Variants in PDSS2 observed in about 807,000 individuals in gnomAD.
PDSS2 encodes the protein decaprenyl diphosphate synthase subunit 2, also known as all trans-polyprenyl-diphosphate synthase PDSS2.
In PDSS2, 31 loss-of-function variants were observed where a neutral mutation model predicts 44.5. The ratio of observed to expected loss-of-function variants is 0.70; its 90% CI spans 0.52 to 0.94. The LOEUF is 0.94. Ranked by LOEUF, PDSS2 falls within the 40% of genes least tolerant of loss-of-function variation. PDSS2 has a pLI of 0.00. For missense variants in PDSS2, 452 were observed against 482.2 expected, an observed-to-expected ratio of 0.94 and a Z score of 0.59; for synonymous variants, 157 against 180.3, an observed-to-expected ratio of 0.87 and a Z score of 1.03.
intron 1 of PDSS2, among the ~76,000 whole-genome samples, chr6:107,383,281 AGAGT>A (rs1779507587): frequency 7.3e-6 from 1 of 136,686 alleles, no homozygotes; most frequent in African/African-American, 2.8e-5. Context: ...CCTGGGTGAC[AGAGT>A]GAGACTCCAT....
intron 1 of PDSS2, among the ~76,000 whole-genome samples, chr6:107,388,710 G>A (rs1016807868): frequency 2.6e-5 from 4 of 152,088 alleles, no homozygotes; most frequent in East Asian, 3.9e-4. Flanking sequence ...CACCCACCTC[G>A]GCCTCCCAAA....
Position 107,154,522 on chromosome 6 carries a change from G to T in PDSS2, c.*97C>A. On this transcript the variant is annotated 3_prime_UTR_variant, in exon 8 of 8. Transcript: ENST00000369037. ...GATAAAAGGAAGGAAAAATGCATAT[G>T]TTTTAAAAGTCATTAACGCATCGTG... The T allele has an allele frequency of 8.9e-7, 1 of 1,127,976 alleles. No individual in the cohort carries two copies. The highest frequency in any genetic ancestry group is 1.3e-6 in the Non-Finnish European group (1 of 747,386). The allele number at this position is 1,127,976 out of a possible 1,614,324, so 69.9% of individuals were successfully genotyped here. A position where few individuals can be genotyped will look rare whatever the true frequency, so the allele number is the denominator to read the frequency against.
chr6:107,173,425 T>C (rs1771664252), intron 7 of PDSS2, among the ~76,000 whole-genome samples: 1 of 150,980 alleles, frequency 6.6e-6, no homozygotes, highest in Non-Finnish European at 1.5e-5. Flanking sequence ...AATACAAAAA[T>C]TAGTTGGGCG....
At chr6:107,249,313 TG>T (rs1242707679) in intron 3 of PDSS2, among the ~76,000 whole-genome samples, 3 of 152,308 alleles carry the variant, frequency 2.0e-5, no homozygotes, top group Admixed American at 6.5e-5. Flanking sequence ...ACCAAGATTA[TG>T]GTATTTTTAA....
chr6:107,253,954 G>A (rs750252038), intron 3 of PDSS2, among the ~76,000 whole-genome samples: 13 of 151,966 alleles, frequency 8.6e-5, no homozygotes, highest in Non-Finnish European at 1.8e-4. Flanking sequence ...CTTGAGGCCA[G>A]AAGTTTTGAG....
intron 6 of PDSS2, among the ~76,000 whole-genome samples, chr6:107,208,488 G>T (rs916271317): frequency 6.6e-6 from 1 of 150,806 alleles, no homozygotes; most frequent in Non-Finnish European, 1.5e-5. Flanking sequence ...GTAGAGACAG[G>T]GTTTTACCAT....
intron 2 of PDSS2, among the ~76,000 whole-genome samples, chr6:107,277,275 T>C (rs1243001484): frequency 2.0e-5 from 3 of 151,674 alleles, no homozygotes; most frequent in African/African-American, 7.3e-5. Flanking sequence ...AAAACAAGAG[T>C]AGGGCTTGGG....
intron 7 of PDSS2, among the ~76,000 whole-genome samples, chr6:107,157,989 C>T (rs1770970098): frequency 6.6e-6 from 1 of 151,836 alleles, no homozygotes; most frequent in Admixed American, 6.6e-5. Context: ...TATTTTAATT[C>T]TCCATTCACT....
intron 1 of PDSS2, among the ~76,000 whole-genome samples, chr6:107,395,805 T>G (rs1165199237): frequency 2.6e-5 from 4 of 152,216 alleles, no homozygotes; most frequent in Admixed American, 6.5e-5. Context: ...ACATGTCTAG[T>G]AATTTTTTTA....
chr6:107,388,447 A>ATTTT (rs147100917), intron 1 of PDSS2, among the ~76,000 whole-genome samples: 2 of 137,256 alleles, frequency 1.5e-5, no homozygotes, highest in East Asian at 2.2e-4. Flanking sequence ...GTGCATGTGA[A>ATTTT]TTTTTTTTTT....
chr6:107,322,574 G>A (rs902714681), intron 2 of PDSS2, among the ~76,000 whole-genome samples: 2 of 152,002 alleles, frequency 1.3e-5, no homozygotes, highest in African/African-American at 2.4e-5. Flanking sequence ...GCCGGGTGTG[G>A]TGGCTCATGC....
chr6:107,439,612 A>G (rs1781456924), intron 1 of PDSS2, among the ~76,000 whole-genome samples: 2 of 152,354 alleles, frequency 1.3e-5, no homozygotes, highest in African/African-American at 2.4e-5. Flanking sequence ...CCACTGTTGC[A>G]TAACAACTCC....
chr6:107,334,578 G>C (rs1190036312), intron 1 of PDSS2, among the ~76,000 whole-genome samples: 4 of 151,710 alleles, frequency 2.6e-5, no homozygotes, highest in Non-Finnish European at 5.9e-5. Context: ...GTTTTGCTCT[G>C]TCACCCAGGC....
At chr6:107,259,848 T>C (rs2114873667) in intron 3 of PDSS2, among the ~76,000 whole-genome samples, 1 of 152,274 alleles carries the variant, frequency 6.6e-6, no homozygotes. Flanking sequence ...TATGAAAATA[T>C]AAGTGATCCC....
rs533095654 is a variant in PDSS2 at position 107,257,406 on chromosome 6, T to C, written c.631-11787A>G. On this transcript the variant is annotated intron_variant, in intron 3 of 7. Transcript: ENST00000369037. ...TTCAAAAAATTAACAAGGCATGGTGTCTTGCGCTGTAGTCCCAGCTACTCA... is the reference window on the plus strand; with the variant it reads ...TTCAAAAAATTAACAAGGCATGGTGCCTTGCGCTGTAGTCCCAGCTACTCA... Among the ~76,000 whole-genome samples, 5 of 151,676 alleles carry C rather than the reference T, an allele frequency of 3.3e-5. No individual in the cohort carries two copies. The South Asian group carries it at 1.0e-3, about 32-fold the overall frequency.
At chr6:107,278,988 G>A (rs1775876618) in intron 2 of PDSS2, among the ~76,000 whole-genome samples, 1 of 152,188 alleles carries the variant, frequency 6.6e-6, no homozygotes. Context: ...GGGAGGCTGA[G>A]GCAGGTGGAC....
chr6:107,351,011 AG>A (rs1227112679), intron 1 of PDSS2, among the ~76,000 whole-genome samples: 1 of 152,218 alleles, frequency 6.6e-6, no homozygotes, highest in African/African-American at 2.4e-5. Context: ...GGGAGAAACT[AG>A]GAATTATACA....
chr6:107,279,938 A>G (rs1402086673), intron 2 of PDSS2, among the ~76,000 whole-genome samples: 1 of 152,190 alleles, frequency 6.6e-6, no homozygotes, highest in Non-Finnish European at 1.5e-5. Context: ...TCTTATTCCT[A>G]TTTTAGCTAC....
chr6:107,201,455 C>T (rs1220422304), intron 6 of PDSS2, among the ~76,000 whole-genome samples: 4 of 143,748 alleles, frequency 2.8e-5, no homozygotes, highest in Non-Finnish European at 6.0e-5. Flanking sequence ...GGAATTAATT[C>T]CAAAGGTTTA....
Sources: allele counts gnomAD v4.1 joint callset (sites outside exome capture counted in the v4.1 genomes callset), GRCh38; gene constraint gnomAD v4.1.1; transcripts MANE v1.5; gene names NCBI Gene and HGNC (gene_info 2026-07-23, HGNC 2026-07-21).